DGKB: variants seen among roughly 807,000 people sequenced by gnomAD.
DGKB encodes the protein 90 kDa diacylglycerol kinase.
DGKB carries 67 observed loss-of-function variants against 114.3 expected under a neutral mutation model. The observed-to-expected ratio is 0.59, with a 90% CI of 0.48 to 0.72. The LOEUF (loss-of-function observed/expected upper bound fraction) is 0.72, where lower values mean the gene tolerates loss of function less well. Ranked by LOEUF, DGKB falls within the 30% of genes least tolerant of loss-of-function variation. DGKB has a pLI of 0.00. For synonymous variants in DGKB, 398 were observed against 323.1 expected, an observed-to-expected ratio of 1.23 and a Z score of -2.49; for missense variants, 907 against 975.2, an observed-to-expected ratio of 0.93 and a Z score of 0.93.
intron 21 of DGKB, among the ~76,000 whole-genome samples, chr7:14,392,698 T>C (rs1399208545): frequency 6.6e-6 from 1 of 152,068 alleles, no homozygotes; most frequent in African/African-American, 2.4e-5. Context: ...TGGAGAGTAG[T>C]TGACAACAAA....
intron 13 of DGKB, among the ~76,000 whole-genome samples, chr7:14,662,536 C>T (rs10275825): frequency 6.6e-6 from 1 of 151,824 alleles, no homozygotes; most frequent in Admixed American, 6.6e-5. Flanking sequence ...AAGATGTTCA[C>T]TATCATGTTA....
chr7:14,537,449 T>C (rs762276686), intron 20 of DGKB, among the ~76,000 whole-genome samples: 7 of 152,048 alleles, frequency 4.6e-5, no homozygotes, highest in Non-Finnish European at 1.0e-4. Context: ...TATAGAGCAA[T>C]GGAACACAAT....
intron 23 of DGKB, among the ~76,000 whole-genome samples, chr7:14,269,538 T>A (rs4719397): frequency 0.29 from 43,465 of 151,966 alleles, 6,864 homozygotes; most frequent in East Asian, 0.47. Context: ...TTCTTACATT[T>A]ATCTGAATTC....
intron 2 of DGKB, among the ~76,000 whole-genome samples, chr7:14,762,529 T>C (rs1835859714): frequency 6.6e-6 from 1 of 152,174 alleles, no homozygotes; most frequent in East Asian, 1.9e-4. Flanking sequence ...AAATGACTAA[T>C]AGCATTTGGT....
chr7:14,165,448 AT>A (rs1472890094), intron 25 of DGKB, among the ~76,000 whole-genome samples: 1 of 152,132 alleles, frequency 6.6e-6, no homozygotes, highest in Non-Finnish European at 1.5e-5. Flanking sequence ...AATTCTAGCT[AT>A]TTTTTAATTT....
intron 23 of DGKB, among the ~76,000 whole-genome samples, chr7:14,307,311 A>C (rs1804647898): frequency 2.0e-5 from 3 of 152,210 alleles, no homozygotes; most frequent in Non-Finnish European, 4.4e-5. Flanking sequence ...TAGTCATTTA[A>C]TATTTTCCGA....
At chr7:14,726,429 G>A (rs759466931) in intron 5 of DGKB, among the ~76,000 whole-genome samples, 4 of 152,176 alleles carry the variant, frequency 2.6e-5, no homozygotes, top group East Asian at 1.9e-4. Context: ...CACCGTGCCC[G>A]GCCAGAATCG....
chr7:14,302,501 G>C (rs1405303050), intron 23 of DGKB, among the ~76,000 whole-genome samples: 1 of 151,956 alleles, frequency 6.6e-6, no homozygotes, highest in East Asian at 1.9e-4. Context: ...TTCTCATCTG[G>C]AAACAGCCTG....
At chr7:14,815,392 C>G (rs1451781620) in intron 2 of DGKB, among the ~76,000 whole-genome samples, 2 of 152,198 alleles carry the variant, frequency 1.3e-5, no homozygotes, top group Non-Finnish European at 2.9e-5. Flanking sequence ...ATGGCACACA[C>G]AAAATATCTC....
chr7:14,364,403 AAAAG>A (rs1816288460), intron 21 of DGKB, among the ~76,000 whole-genome samples: 1 of 151,874 alleles, frequency 6.6e-6, no homozygotes, highest in South Asian at 2.1e-4. Flanking sequence ...AAAGGAAAAA[AAAAG>A]AAAGAAGGAA....
chr7:14,676,528 T>C (rs1207840560), intron 12 of DGKB, among the ~76,000 whole-genome samples: 1 of 152,054 alleles, frequency 6.6e-6, no homozygotes, highest in Non-Finnish European at 1.5e-5. Flanking sequence ...TCAAAACATC[T>C]CATGTGCCTC....
intron 20 of DGKB, among the ~76,000 whole-genome samples, chr7:14,491,614 G>T (rs1157875938): frequency 2.0e-5 from 3 of 151,936 alleles, no homozygotes; most frequent in Admixed American, 1.3e-4. Flanking sequence ...TTTCCTAAAA[G>T]AACACATATT....
chr7:14,945,402 G>C (rs1333939839), intron 1 of DGKB, among the ~76,000 whole-genome samples: 1 of 151,758 alleles, frequency 6.6e-6, no homozygotes, highest in Non-Finnish European at 1.5e-5. Flanking sequence ...GGTTACATGG[G>C]TGTGTTTCAT....
intron 17 of DGKB, among the ~76,000 whole-genome samples, chr7:14,587,274 A>C (rs1800931351): frequency 6.6e-6 from 1 of 152,110 alleles, no homozygotes; most frequent in African/African-American, 2.4e-5. Context: ...AGATGTCATA[A>C]AAACAGCAAA....
At chr7:14,835,923 C>A (rs914378415) in intron 2 of DGKB, among the ~76,000 whole-genome samples, 1 of 152,072 alleles carries the variant, frequency 6.6e-6, no homozygotes, top group Non-Finnish European at 1.5e-5. Flanking sequence ...AGGCTTACTG[C>A]GAGGATTAAA....
At chr7:14,522,557 T>C (rs1022211714) in intron 20 of DGKB, among the ~76,000 whole-genome samples, 1 of 152,196 alleles carries the variant, frequency 6.6e-6, no homozygotes, top group African/African-American at 2.4e-5. Flanking sequence ...CTTTCGGCAG[T>C]GGCAGCAAGC....
In DGKB at chr7:14,941,859, T is replaced by C. The variant is rs117403348; in HGVS notation, c.-188+32837A>G. Among the ~76,000 whole-genome samples, 141 of 152,188 alleles carry C rather than the reference T, an allele frequency of 9.3e-4. 1 individual carries two copies. Among genetic ancestry groups the C allele is most frequent in the Middle Eastern group, 3.4e-3 (1 of 294 alleles). On this transcript the variant is annotated intron_variant, in intron 1 of 4. Transcript: ENST00000437998. ...TAGAAGCAAAACAGGCATAATAAGGTATAATTTCAAAAAATATTAAATCAT... is the reference window on the plus strand; with the variant it reads ...TAGAAGCAAAACAGGCATAATAAGGCATAATTTCAAAAAATATTAAATCAT...
intron 23 of DGKB, among the ~76,000 whole-genome samples, chr7:14,187,049 G>A (rs1188395290): frequency 6.6e-6 from 1 of 152,096 alleles, no homozygotes; most frequent in African/African-American, 2.4e-5. Context: ...AATGTTATCA[G>A]TGATGGAAGA....
chr7:14,775,633 G>A (rs866095558), intron 2 of DGKB, among the ~76,000 whole-genome samples: 4 of 151,954 alleles, frequency 2.6e-5, no homozygotes, highest in Non-Finnish European at 5.9e-5. Flanking sequence ...TTTATAAGGA[G>A]CTTCTTCCCA....
Sources: allele counts gnomAD v4.1 joint callset (sites outside exome capture counted in the v4.1 genomes callset), GRCh38; gene constraint gnomAD v4.1.1; transcripts MANE v1.5; gene names NCBI Gene and HGNC (gene_info 2026-07-23, HGNC 2026-07-21).